The following PFKFB2 variants were observed in gnomAD, a reference collection of about 807,000 sequenced individuals.
PFKFB2 encodes the protein 6-phosphofructo-2-kinase/fructose-2,6-biphosphatase 2.
Under a neutral mutation model 68.0 loss-of-function variants are expected in PFKFB2, and 53 were observed. The ratio of observed to expected loss-of-function variants is 0.78; its 90% CI spans 0.63 to 0.98. PFKFB2 has a LOEUF of 0.98. Among genes scored for constraint, PFKFB2 ranks in the 50% least tolerant of loss-of-function variants. The pLI, the probability that PFKFB2 is intolerant of heterozygous loss-of-function variation, is 0.00. For missense variants in PFKFB2, 451 were observed against 642.0 expected (o/e 0.70, Z 3.22); for synonymous variants, 222 against 227.6 (o/e 0.98, Z 0.22).
Position 207,055,641 on chromosome 1 carries a change from T to TTATATA in PFKFB2, c.85+856_85+861dup, listed in dbSNP as rs34590725. Among the ~76,000 whole-genome samples, 412 of 147,662 alleles carry TTATATA rather than the reference T, an allele frequency of 2.8e-3. 1 individual carries two copies. Among genetic ancestry groups the TTATATA allele is most frequent in the African/African-American group, 9.4e-3 (378 of 40,142 alleles). On this transcript the variant is annotated intron_variant, in intron 2 of 14. Transcript: ENST00000367080. Reference sequence around the variant, plus strand: ...CAGTCAGTTCTTCTCACTTCAGTGGTTATATATATATATATATATATAGCC... The same window carrying TTATATA: ...CAGTCAGTTCTTCTCACTTCAGTGGTTATATATATATATATATATATATATATAGCC...
chr1:207,065,391 C>T, intron 8 of PFKFB2: 2 of 850,284 alleles, frequency 2.4e-6, no homozygotes, highest in Non-Finnish European at 2.8e-6. Context: ...CACTCTGTCA[C>T]CCAGGCTGGA....
upstream of PFKFB2, among the ~76,000 whole-genome samples, chr1:207,050,153 C>T (rs1257964459): frequency 3.3e-5 from 5 of 152,178 alleles, no homozygotes; most frequent in Non-Finnish European, 7.3e-5. Context: ...ATTATAAACA[C>T]TGATGTTCAA....
Position 207,070,814 on chromosome 1 carries a change from G to C in PFKFB2, c.1223-374G>C, listed in dbSNP as rs1354287794. On this transcript the variant is annotated intron_variant, in intron 12 of 14. Transcript: ENST00000367080. The surrounding 1 kb of genome is among the most constrained non-coding windows in gnomAD (Gnocchi z 4.2). ...TGCCTTCTTCCATACTTCGCTTCCC[G>C]ATCTTCGGGAGCTCCTGGGAAGCCT... 3 of 274,886 alleles carry C rather than the reference G, an allele frequency of 1.1e-5. No individual in the cohort carries two copies. Among genetic ancestry groups the C allele is most frequent in the Non-Finnish European group, 2.1e-5 (3 of 143,004 alleles). The allele number at this position is 274,886 out of a possible 1,614,324, so 17.0% of individuals were successfully genotyped here. A position where few individuals can be genotyped will look rare whatever the true frequency, so the allele number is the denominator to read the frequency against.
rs1466805097 is a variant in PFKFB2 at position 207,073,546 on chromosome 1, A to G, written c.*1175A>G. The G allele has an allele frequency of 2.0e-6, 2 of 984,858 alleles. No individual in the cohort carries two copies. Among genetic ancestry groups the G allele is most frequent in the Non-Finnish European group, 2.4e-6 (2 of 829,552 alleles). 61.0% of individuals were successfully genotyped at this position (984,858 alleles called of 1,614,324 possible). The stretch of plus-strand genomic sequence containing the variant: ...AAAACAAAATAGTTTTTACATGACC[A>G]TTTTTTTCCCAAATGTGGAAAAGCT... On this transcript the variant is annotated 3_prime_UTR_variant, in exon 15 of 15. Coordinates refer to ENST00000367080, the MANE Select transcript of PFKFB2 (RefSeq NM_006212.2).
chr1:207,061,305 A>G (rs1430383129), intron 2 of PFKFB2, among the ~76,000 whole-genome samples: 1 of 149,118 alleles, frequency 6.7e-6, no homozygotes, highest in African/African-American at 2.5e-5. Context: ...GATTACAGGC[A>G]TGAGCTGTCA....
chr1:207,063,336 T>A lies in PFKFB2; in HGVS notation c.376-11T>A, dbSNP rs1415395321. The A allele has an allele frequency of 8.7e-6, 14 of 1,610,312 alleles. No individual in the cohort carries two copies. Among genetic ancestry groups the A allele is most frequent in the Non-Finnish European group, 1.2e-5 (14 of 1,176,610 alleles). On this transcript the variant is annotated splice_polypyrimidine_tract_variant and intron_variant, in intron 5 of 14. Transcript: ENST00000367080. The surrounding 1 kb of genome is among the most constrained non-coding windows in gnomAD (Gnocchi z 4.1). ...GTTCCTGCTCATTTACCTTGTGTACTTTCTTCACAGGTGTTTGATGCCACC... is the reference window on the plus strand; with the variant it reads ...GTTCCTGCTCATTTACCTTGTGTACATTCTTCACAGGTGTTTGATGCCACC...
At chr1:207,058,296 T>G (rs1682989471) in intron 2 of PFKFB2, among the ~76,000 whole-genome samples, 1 of 152,266 alleles carries the variant, frequency 6.6e-6, no homozygotes, top group Non-Finnish European at 1.5e-5. Flanking sequence ...TAGGCCTCTT[T>G]AGAGCCAATA....
intron 1 of PFKFB2, 141 bp from the exon 2 acceptor site, chr1:207,054,560 A>G (rs1682858794): frequency 3.4e-6 from 2 of 580,518 alleles, no homozygotes; most frequent in African/African-American, 1.9e-5. Context: ...AGTAGCTGCT[A>G]ACTGGGAGAA....
intron 2 of PFKFB2, among the ~76,000 whole-genome samples, chr1:207,057,220 G>A (rs1682948746): frequency 6.6e-6 from 1 of 150,980 alleles, no homozygotes; most frequent in African/African-American, 2.4e-5. Context: ...GGCCGAGGAG[G>A]GTGGATCATG....
rs1231672093 is a variant in PFKFB2 at position 207,071,418 on chromosome 1, C to A, written c.1286-91C>A. On this transcript the variant is annotated intron_variant, in intron 13 of 14. Coordinates refer to ENST00000367080, the MANE Select transcript of PFKFB2 (RefSeq NM_006212.2). Reference sequence around the variant, plus strand: ...GCATGACTGTGTGTATTGCAGAATGCGTACATTCCTTTGTGGTATACTTTC... The same window carrying A: ...GCATGACTGTGTGTATTGCAGAATGAGTACATTCCTTTGTGGTATACTTTC... 8 of 1,133,400 alleles carry A rather than the reference C, an allele frequency of 7.1e-6. No individual in the cohort carries two copies. The South Asian group carries it at 7.5e-5, about 11-fold the overall frequency. 70.2% of individuals were successfully genotyped at this position (1,133,400 alleles called of 1,614,324 possible).
At position 207,074,986 on chromosome 1, in the gene PFKFB2, A is replaced by G; in HGVS notation, c.*2615A>G. 1 of 985,398 alleles carries G rather than the reference A, an allele frequency of 1.0e-6. No individual in the cohort carries two copies. Among genetic ancestry groups the G allele is most frequent in the Non-Finnish European group, 1.2e-6 (1 of 829,942 alleles). 61.0% of individuals were successfully genotyped at this position (985,398 alleles called of 1,614,324 possible). A position where few individuals can be genotyped will look rare whatever the true frequency, so the allele number is the denominator to read the frequency against. ...ACTTTTACAAGGTTGCATTGTCCACATTTGCTTGGATGGTGGCATCTGTAG... is the reference window on the plus strand; with the variant it reads ...ACTTTTACAAGGTTGCATTGTCCACGTTTGCTTGGATGGTGGCATCTGTAG... On this transcript the variant is annotated 3_prime_UTR_variant, in exon 15 of 15. Coordinates refer to ENST00000367080, the MANE Select transcript of PFKFB2 (RefSeq NM_006212.2).
At position 207,075,767 on chromosome 1, in the gene PFKFB2, C is replaced by T. The variant is rs532716569; in HGVS notation, c.*3396C>T. The T allele has an allele frequency of 2.0e-6, 2 of 983,904 alleles. No individual in the cohort carries two copies. Among genetic ancestry groups the T allele is most frequent in the South Asian group, 4.7e-5 (1 of 21,264 alleles). 60.9% of individuals were successfully genotyped at this position (983,904 alleles called of 1,614,324 possible). A position where few individuals can be genotyped will look rare whatever the true frequency, so the allele number is the denominator to read the frequency against. ...TCTAAAAAAGTTTTTTATAAATTTA[C>T]TTGTCTAAAGTGGGGAAAGGGAAAT... On this transcript the variant is annotated 3_prime_UTR_variant, in exon 15 of 15. Coordinates refer to ENST00000367080, the MANE Select transcript of PFKFB2 (RefSeq NM_006212.2).
intron 3 of PFKFB2, chr1:207,062,400 A>G (rs1572724175): frequency 1.3e-5 from 9 of 685,138 alleles, no homozygotes. Context: ...AGAGTGGCTG[A>G]GGAAATTGAA....
In PFKFB2 at chr1:207,072,429, C is replaced by A; in HGVS notation, c.*58C>A. ...ACTGTGTGTTTCCCTCCAGCCCTGG[C>A]CTCCTGCCCTTGTCACTAATCACCA... is the stretch of plus-strand genomic sequence containing the variant. On this transcript the variant is annotated 3_prime_UTR_variant, in exon 15 of 15. Coordinates refer to ENST00000367080, the MANE Select transcript of PFKFB2 (RefSeq NM_006212.2). 6.4e-7 allele frequency: 1 copy of A among 1,564,520 alleles called. No homozygotes were observed. The highest frequency in any genetic ancestry group is 1.2e-5 in the South Asian group (1 of 83,300).
chr1:207,068,100 GTGTGTGTGTGTGTGTGT>G, intron 9 of PFKFB2, 46 bp from the exon 10 acceptor site: 1 of 1,336,532 alleles, frequency 7.5e-7, no homozygotes, highest in Non-Finnish European at 1.1e-6. Flanking sequence ...TGTTGAGTGT[GTGTGTGTGTGTGTGTGT>G]CTGTGTGTTT....
chr1:207,067,785 T>G, intron 9 of PFKFB2, 79 bp downstream of exon 9: 3 of 1,185,596 alleles, frequency 2.5e-6, no homozygotes, highest in Non-Finnish European at 3.7e-6. Flanking sequence ...TTTTATCTCC[T>G]TACTTAAATC....
At chr1:207,049,381 G>T, upstream of PFKFB2, 3 of 1,613,900 alleles carry the variant, frequency 1.9e-6, no homozygotes, top group Non-Finnish European at 2.5e-6. Flanking sequence ...GTAAAACTTG[G>T]ACAAAATCGA....
In PFKFB2 at chr1:207,073,828, A is replaced by G. The variant is rs1683540536; in HGVS notation, c.*1457A>G. Reference sequence around the variant, plus strand: ...TTTTGCATGCAAAATGTACGAATATATGTATGTTTTTCTGAGAGGCAAGTT... The same window carrying G: ...TTTTGCATGCAAAATGTACGAATATGTGTATGTTTTTCTGAGAGGCAAGTT... On this transcript the variant is annotated 3_prime_UTR_variant, in exon 15 of 15. Transcript: ENST00000367080. The G allele has an allele frequency of 1.1e-5, 11 of 985,382 alleles. No individual in the cohort carries two copies. Among genetic ancestry groups the G allele is most frequent in the Non-Finnish European group, 1.3e-5 (11 of 829,906 alleles). 61.0% of individuals were successfully genotyped at this position (985,382 alleles called of 1,614,324 possible).
chr1:207,056,422 C>T (rs188221724), intron 2 of PFKFB2, among the ~76,000 whole-genome samples: 18 of 150,442 alleles, frequency 1.2e-4, no homozygotes, highest in African/African-American at 4.4e-4. Flanking sequence ...TACTAGGGTG[C>T]TTGATCCAAA....
Sources: gnomAD v4.1 joint callset for allele counts (sites outside exome capture counted in the v4.1 genomes callset) on GRCh38, gnomAD v4.1.1 for gene constraint, Gnocchi (gnomAD v3.1) non-coding constraint, MANE v1.5 for transcripts, NCBI Gene and HGNC (gene_info 2026-07-23, HGNC 2026-07-21) for gene names.